The following ZNF236 variants were observed in gnomAD, a reference collection of about 807,000 sequenced individuals.
ZNF236 encodes the protein regulated by glucose.
Under a neutral mutation model 191.2 loss-of-function variants are expected in ZNF236, and 50 were observed. The ratio of observed to expected loss-of-function variants is 0.26; its 90% CI spans 0.21 to 0.33. The LOEUF is 0.33. Among genes scored for constraint, ZNF236 ranks in the 10% least tolerant of loss-of-function variants. The pLI is 1.00. For missense variants in ZNF236, 1,754 were observed against 2,374.5 expected, an observed-to-expected ratio of 0.74 and a Z score of 5.43; for synonymous variants, 907 against 928.8, an observed-to-expected ratio of 0.98 and a Z score of 0.43.
At position 76,881,395 on chromosome 18, in the gene ZNF236, G is replaced by A. The variant is rs763380366; in HGVS notation, c.1300G>A (p.Val434Ile). 27 of 1,613,880 alleles carry A rather than the reference G, an allele frequency of 1.7e-5. No individual in the cohort carries two copies. The highest frequency in any genetic ancestry group is 6.7e-5 in the East Asian group (3 of 44,886). ...PHAQNPDVSS[V>I]SNEQTDPTDA... ...CGCTCAAAACCCAGATGTTTCCAGC[G>A]TTTCAAATGAGCAGACGGACCCCAC... Residue 434 changes from valine to isoleucine, a missense_variant, in exon 9 of 31, where the codon GTT (valine) becomes ATT (isoleucine). Physicochemically the swap from Val to Ile is conservative, Grantham distance 29. Around this residue, in one of 5 missense-constraint regions of ZNF236, gnomAD observed 126 missense variants for 110.9 expected, o/e 1.14. Coordinates refer to ENST00000320610, the MANE Select transcript of ZNF236 (RefSeq NM_001306089.2).
chr18:76,837,131 C>G (rs1224915673), intron 1 of ZNF236, among the ~76,000 whole-genome samples: 5 of 94,824 alleles, frequency 5.3e-5, no homozygotes, highest in African/African-American at 1.5e-4. Context: ...ACCCCCTCCC[C>G]CCCCCCCCGC....
intron 1 of ZNF236, among the ~76,000 whole-genome samples, chr18:76,846,985 G>A (rs775602920): frequency 6.6e-6 from 1 of 151,988 alleles, no homozygotes; most frequent in Non-Finnish European, 1.5e-5. Context: ...CGCAGAGGGG[G>A]TATCACTATG....
At chr18:76,936,613 C>A (rs544280585) in intron 25 of ZNF236, among the ~76,000 whole-genome samples, 129 of 152,306 alleles carry the variant, frequency 8.5e-4, no homozygotes, top group African/African-American at 3.1e-3. Context: ...GAATAAGAAT[C>A]AGTCAGGGTG....
intron 9 of ZNF236, chr18:76,885,332 G>A (rs1030052254): frequency 6.6e-6 from 1 of 152,364 alleles, no homozygotes; most frequent in African/African-American, 2.4e-5. Flanking sequence ...TCAAGGTTCT[G>A]GGAACCACAT....
intron 18 of ZNF236, among the ~76,000 whole-genome samples, chr18:76,915,071 G>A (rs567324049): frequency 2.0e-5 from 3 of 152,284 alleles, no homozygotes; most frequent in Non-Finnish European, 2.9e-5. Flanking sequence ...AGCAATATAT[G>A]ACTTTTATAA....
In ZNF236 at chr18:76,875,648, A is replaced by G; in HGVS notation, c.824A>G (p.Gln275Arg). Residue 275 changes from glutamine to arginine, a missense_variant, in exon 6 of 31, where the codon CAG (glutamine) becomes CGG (arginine). By Grantham distance (43) the Gln-to-Arg change is conservative. This residue lies in a region of ZNF236 where 336 missense variants were observed against 495.1 expected (regional missense o/e 0.68). Coordinates refer to ENST00000320610, the MANE Select transcript of ZNF236 (RefSeq NM_001306089.2). This position sits in a 1 kb window ranked among gnomAD's most constrained non-coding sequence, Gnocchi z 4.3. Reference sequence around the variant, plus strand: ...AAAGGGAATCTTCAGTCGCACGTGCAGCGAGTCCACTCAGAGGTAAACACG... The same window carrying G: ...AAAGGGAATCTTCAGTCGCACGTGCGGCGAGTCCACTCAGAGGTAAACACG... Reference protein sequence around the residue: ...SQKGNLQSHVQRVHSEVKNGP... With the variant: ...SQKGNLQSHVRRVHSEVKNGP... 6.3e-7 allele frequency: 1 copy of G among 1,591,816 alleles called. No individual in the cohort carries two copies. Among genetic ancestry groups the G allele is most frequent in the South Asian group, 1.1e-5 (1 of 87,562 alleles).
intron 11 of ZNF236, among the ~76,000 whole-genome samples, chr18:76,902,945 G>T (rs1360758364): frequency 6.6e-6 from 1 of 152,116 alleles, no homozygotes; most frequent in East Asian, 1.9e-4. Flanking sequence ...AGGCTGTGCT[G>T]TCAAGCACAG....
Position 76,875,702 on chromosome 18 carries a change from G to A in ZNF236, c.840+38G>A. 1 of 1,418,222 alleles carries A rather than the reference G, an allele frequency of 7.1e-7. No homozygotes were observed. Among genetic ancestry groups the A allele is most frequent in the Non-Finnish European group, 9.3e-7 (1 of 1,074,136 alleles). 87.9% of individuals were successfully genotyped at this position (1,418,222 alleles called of 1,614,324 possible). On this transcript the variant is annotated intron_variant, in intron 6 of 30. Coordinates refer to ENST00000320610, the MANE Select transcript of ZNF236 (RefSeq NM_001306089.2). The surrounding 1 kb of genome is among the most constrained non-coding windows in gnomAD (Gnocchi z 4.3). ...TGGGGGCATAAGCGGTATTTCACAG[G>A]GGACAGTAGGTATCTTTTGGGTTAA... is the stretch of plus-strand genomic sequence containing the variant.
chr18:76,962,796 A>AG (rs923416130), intron 30 of ZNF236, among the ~76,000 whole-genome samples: 99 of 151,664 alleles, frequency 6.5e-4, no homozygotes, highest in African/African-American at 2.2e-3. Flanking sequence ...TGTATTCCTA[A>AG]GTTTTTTTTT....
rs757124073 is a variant in ZNF236, at chr18:76,871,846, G to A, written c.667+21G>A. On this transcript the variant is annotated intron_variant, in intron 5 of 30. Coordinates refer to ENST00000320610, the MANE Select transcript of ZNF236 (RefSeq NM_001306089.2). Reference sequence around the variant, plus strand: ...CACAGGTATGAAAACACTGACTTCTGGATGACTGACCGTGTGGCTGGAAGG... The same window carrying A: ...CACAGGTATGAAAACACTGACTTCTAGATGACTGACCGTGTGGCTGGAAGG... 9 of 1,613,702 alleles carry A rather than the reference G, an allele frequency of 5.6e-6. No individual in the cohort carries two copies. The East Asian group carries it at 1.6e-4, about 28-fold the overall frequency.
At chr18:76,949,709 A>G (rs1968356288) in intron 27 of ZNF236, among the ~76,000 whole-genome samples, 1 of 137,254 alleles carries the variant, frequency 7.3e-6, no homozygotes, top group Non-Finnish European at 1.7e-5. Flanking sequence ...CCCAGGCTAG[A>G]GTGCAGTGGT....
intron 18 of ZNF236, 131 bp from the exon 19 acceptor site, chr18:76,915,516 C>T: frequency 3.9e-6 from 3 of 769,748 alleles, no homozygotes; most frequent in South Asian, 2.1e-5. Flanking sequence ...TTTTTTTAAC[C>T]AAAGTCTGTT....
Position 76,968,276 on chromosome 18 carries a change from C to T in ZNF236, c.5481C>T (p.Leu1827=). 6.2e-7 allele frequency: 1 copy of T among 1,611,436 alleles called. No homozygotes were observed. The highest frequency in any genetic ancestry group is 8.5e-7 in the Non-Finnish European group (1 of 1,179,310). ...EQDGEELSRT[L]HLEEVVQEAA... ...ACGGGGAGGAGCTGAGCCGGACCCT[C>T]CACCTGGAGGAGGTGGTGCAGGAGG... The change falls in exon 31 of 31, where the codon CTC becomes CTT. Residue 1827 remains leucine, a synonymous_variant. Transcript: ENST00000320610.
Position 76,927,022 on chromosome 18 carries a change from T to C in ZNF236, c.4028-15T>C, listed in dbSNP as rs72985226. 0.14 allele frequency: 224,591 copies of C among 1,590,954 alleles called. 17,010 individuals are homozygous for C. Among genetic ancestry groups the C allele is most frequent in the South Asian group, 0.21 (18,935 of 88,498 alleles). ...TCATAATATTTGATCATTCTCTTTC[T>C]CTTTCTCTGGCCAGCTGGGGGTGAC... On this transcript the variant is annotated splice_polypyrimidine_tract_variant and intron_variant, in intron 22 of 30. Transcript: ENST00000320610. This position sits in a 1 kb window ranked among gnomAD's most constrained non-coding sequence, Gnocchi z 5.4.
chr18:76,849,771 A>C (rs1975803368), intron 2 of ZNF236, 103 bp downstream of exon 2: 2 of 1,065,786 alleles, frequency 1.9e-6, no homozygotes, highest in Non-Finnish European at 2.5e-6. Context: ...GTTCCTAAAT[A>C]GTAGAACATT....
intron 11 of ZNF236, among the ~76,000 whole-genome samples, chr18:76,903,066 A>C (rs909874109): frequency 2.0e-5 from 3 of 152,206 alleles, no homozygotes; most frequent in African/African-American, 7.2e-5. Flanking sequence ...TGTGTGGGTT[A>C]TATCACAAGG....
intron 11 of ZNF236, among the ~76,000 whole-genome samples, chr18:76,903,917 A>T (rs1270717778): frequency 6.7e-6 from 1 of 148,638 alleles, no homozygotes; most frequent in Admixed American, 6.9e-5. Context: ...TCAGTTTATT[A>T]TAGTATCTAG....
chr18:76,880,160 C>A lies in ZNF236; in HGVS notation c.1032C>A (p.Ala344=). 6.2e-7 allele frequency: 1 copy of A among 1,614,090 alleles called. No homozygotes were observed. Among genetic ancestry groups the A allele is most frequent in the Non-Finnish European group, 8.5e-7 (1 of 1,179,992 alleles). Residue 344 remains alanine (A), a synonymous_variant, in exon 8 of 31, where the codon GCC becomes GCA. Coordinates refer to ENST00000320610, the MANE Select transcript of ZNF236 (RefSeq NM_001306089.2). The surrounding 1 kb of genome is among the most constrained non-coding windows in gnomAD (Gnocchi z 5.0). The part of the protein sequence containing the change: ...TLPLQQTEAQ[A]TSASSQPSSQ... ...CTCTTCAACAGACGGAAGCCCAAGC[C>A]ACGTCGGCCTCAAGCCAGCCGAGCT...
Position 76,904,486 on chromosome 18 carries a change from A to G in ZNF236, c.2001A>G (p.Ala667=), listed in dbSNP as rs768033816. 4 of 1,606,164 alleles carry G rather than the reference A, an allele frequency of 2.5e-6. No individual in the cohort carries two copies. Among genetic ancestry groups the G allele is most frequent in the African/African-American group, 1.3e-5 (1 of 74,542 alleles). Residue 667 remains alanine (A), a synonymous_variant, in exon 12 of 31, where the codon GCA becomes GCG. Transcript: ENST00000320610. ...ACAAGTGTTTTTACTGTCATCGTGCATATAAAAAATCTTGCCACCTTAAAC... is the reference window on the plus strand; with the variant it reads ...ACAAGTGTTTTTACTGTCATCGTGCGTATAAAAAATCTTGCCACCTTAAAC... ...RPYKCFYCHR[A]YKKSCHLKQH... is the part of the protein sequence containing the mutation.
Sources: gnomAD v4.1 joint callset for allele counts (sites outside exome capture counted in the v4.1 genomes callset) on GRCh38, gnomAD v4.1.1 for gene constraint, gnomAD v4.1.1 regional missense constraint, Gnocchi (gnomAD v3.1) non-coding constraint, MANE v1.5 for transcripts, NCBI Gene and HGNC (gene_info 2026-07-23, HGNC 2026-07-21) for gene names.